BNIP1: variants seen among roughly 807,000 people sequenced by gnomAD.
BNIP1 encodes BCL2 interacting protein 1, also known as vesicle transport protein SEC20.
BNIP1 carries 25 observed loss-of-function variants against 28.5 expected under a neutral mutation model. The observed-to-expected ratio is 0.88, with a 90% CI of 0.64 to 1.23. The LOEUF (loss-of-function observed/expected upper bound fraction) is 1.23, where lower values mean the gene tolerates loss of function less well. Among genes scored for constraint, BNIP1 ranks in the 50% most tolerant of loss-of-function variants. The pLI is 0.00. For missense variants in BNIP1, 276 were observed against 277.0 expected (o/e 1.00, Z 0.02); for synonymous variants, 118 against 101.7 (o/e 1.16, Z -0.96).
intron 2 of BNIP1, among the ~76,000 whole-genome samples, chr5:173,153,676 CAT>C (rs1760093555): frequency 6.6e-6 from 1 of 150,786 alleles, no homozygotes; most frequent in African/African-American, 2.4e-5. Flanking sequence ...ATTTGGAACT[CAT>C]AGCAAAAAAA....
Position 173,148,136 on chromosome 5 carries a change from A to T in BNIP1, c.177+1178A>T, listed in dbSNP as rs1470042569. On this transcript the variant is annotated intron_variant, in intron 2 of 5. Coordinates refer to ENST00000351486, the MANE Select transcript of BNIP1 (RefSeq NM_001205.3). ...TATATATATATATATATATATATAT[A>T]TTTTAATAGAGATGGATTTTTTGCT... 2.9e-4 allele frequency among the ~76,000 whole-genome samples: 28 copies of T among 97,288 alleles called. 1 individual carries two copies. The South Asian group carries it at 6.0e-3, about 21-fold the overall frequency. The allele number at this position is 97,288 out of a possible 152,430, so 63.8% of individuals were successfully genotyped here.
chr5:173,144,843 C>T lies in BNIP1; in HGVS notation c.84+214C>T, dbSNP rs1051819268. On this transcript the variant is annotated intron_variant, in intron 1 of 5. Transcript: ENST00000351486. ...TTCCGGGTGCCGCCGGATCTCCCAT[C>T]CCCAGAGCACCCCACTGTTCTCCGC... The T allele has an allele frequency of 1.6e-5, 9 of 548,620 alleles. No individual in the cohort carries two copies. The Admixed American group carries it at 2.9e-4, about 18-fold the overall frequency. 34.0% of individuals were successfully genotyped at this position (548,620 alleles called of 1,614,324 possible).
At chr5:173,149,990 G>A (rs1051659983) in intron 2 of BNIP1, among the ~76,000 whole-genome samples, 3 of 152,210 alleles carry the variant, frequency 2.0e-5, no homozygotes, top group Non-Finnish European at 4.4e-5. Flanking sequence ...CAGCACAGTG[G>A]CTCACGCCTG....
At chr5:173,161,297 G>C in intron 5 of BNIP1, 1 of 154,436 alleles carries the variant, frequency 6.5e-6, no homozygotes, top group East Asian at 1.9e-4. Context: ...AGAAGCAAAA[G>C]GAAAGCAAGC....
intron 2 of BNIP1, among the ~76,000 whole-genome samples, chr5:173,147,757 A>G (rs901703218): frequency 6.6e-6 from 1 of 151,868 alleles, no homozygotes; most frequent in African/African-American, 2.4e-5. Context: ...TTTATTTCAC[A>G]TTTTATTCTT....
At chr5:173,156,608 C>CT (rs34222853) in intron 3 of BNIP1, among the ~76,000 whole-genome samples, 96,024 of 151,260 alleles carry the variant, frequency 0.63, 30,912 homozygotes, top group Middle Eastern at 0.7. Context: ...TGTGACTGCA[C>CT]CTGGCCTAGG....
intron 2 of BNIP1, among the ~76,000 whole-genome samples, chr5:173,151,130 C>T (rs1006559490): frequency 2.0e-5 from 3 of 151,616 alleles, no homozygotes; most frequent in East Asian, 2.0e-4. Flanking sequence ...CCACCGCGCC[C>T]GGTCAAAACT....
At chr5:173,148,083 A>AAT (rs70984952) in intron 2 of BNIP1, among the ~76,000 whole-genome samples, 70 of 40,280 alleles carry the variant, frequency 1.7e-3, no homozygotes, top group East Asian at 2.4e-3. Context: ...AAAAAAAAAA[A>AAT]ATATATATAT....
chr5:173,146,959 G>A lies in BNIP1; in HGVS notation c.177+1G>A. On this transcript the variant is annotated splice_donor_variant, in intron 2 of 5. Coordinates refer to ENST00000351486, the MANE Select transcript of BNIP1 (RefSeq NM_001205.3). LOFTEE classifies it high-confidence loss of function. Reference sequence around the variant, plus strand: ...TCAACAGTTGCGTCACAGAATACAGGTGGGTATTCTCAATTCAGTCAATGA... The same window carrying A: ...TCAACAGTTGCGTCACAGAATACAGATGGGTATTCTCAATTCAGTCAATGA... 1 of 1,608,130 alleles carries A rather than the reference G, an allele frequency of 6.2e-7. No individual in the cohort carries two copies. The highest frequency in any genetic ancestry group is 1.7e-5 in the Admixed American group (1 of 60,004).
In BNIP1 at chr5:173,163,741, G is replaced by T; in HGVS notation, c.507G>T (p.Thr169=). 6.2e-7 allele frequency: 1 copy of T among 1,602,084 alleles called. No homozygotes were observed. The highest frequency in any genetic ancestry group is 1.7e-4 in the Middle Eastern group (1 of 6,016). The change falls in exon 6 of 6, where the codon ACG becomes ACT. Residue 169 remains threonine (T), a synonymous_variant. Transcript: ENST00000351486. Reference sequence around the variant, plus strand: ...TTGTTTCAGTCACTTCTTCACGAACGATCCTGGATGCAAATGAAGAATTTA... The same window carrying T: ...TTGTTTCAGTCACTTCTTCACGAACTATCCTGGATGCAAATGAAGAATTTA... ...AMQSLVTSSR[T]ILDANEEFKS...
chr5:173,151,705 G>A (rs142647024), intron 2 of BNIP1: 1 of 1,612,282 alleles, frequency 6.2e-7, no homozygotes, highest in Non-Finnish European at 8.5e-7. Context: ...GTGAGTATTT[G>A]TATGTTCTTT....
intron 5 of BNIP1, chr5:173,161,752 G>A (rs1458429528): frequency 6.6e-6 from 1 of 152,206 alleles, no homozygotes; most frequent in Non-Finnish European, 1.5e-5. Context: ...TGGGGGGAGG[G>A]GGAGCAGGAT....
intron 1 of BNIP1, chr5:173,144,920 C>T: frequency 3.0e-6 from 1 of 335,332 alleles, no homozygotes; most frequent in Admixed American, 4.6e-5. Context: ...CCACCTGCAG[C>T]CCTGGTCGTC....
At position 173,144,773 on chromosome 5, in the gene BNIP1, G is replaced by A. The variant is rs1300771911; in HGVS notation, c.84+144G>A. 2.1e-5 allele frequency: 17 copies of A among 823,578 alleles called. No individual in the cohort carries two copies. The South Asian group carries it at 2.5e-4, about 12-fold the overall frequency. 51.0% of individuals were successfully genotyped at this position (823,578 alleles called of 1,614,324 possible). On this transcript the variant is annotated intron_variant, in intron 1 of 5. Coordinates refer to ENST00000351486, the MANE Select transcript of BNIP1 (RefSeq NM_001205.3). The stretch of plus-strand genomic sequence containing the variant: ...CGCCCCATGGTCGGCTACCCCCCCG[G>A]TCCCCATTTGGTTGTGTCCCGGTGA...
intron 5 of BNIP1, among the ~76,000 whole-genome samples, chr5:173,160,362 G>C (rs1760328798): frequency 6.6e-6 from 1 of 151,894 alleles, no homozygotes; most frequent in South Asian, 2.1e-4. Flanking sequence ...AGCCTCCCAA[G>C]TAGCTGGGAT....
intron 5 of BNIP1, among the ~76,000 whole-genome samples, chr5:173,160,267 T>A (rs1269740350): frequency 8.7e-5 from 13 of 150,086 alleles, no homozygotes; most frequent in Non-Finnish European, 1.8e-4. Context: ...GGAGTTTCGC[T>A]CTTGTTGCCC....
intron 1 of BNIP1, among the ~76,000 whole-genome samples, chr5:173,145,922 A>G (rs1759822619): frequency 6.6e-6 from 1 of 152,236 alleles, no homozygotes; most frequent in Admixed American, 6.5e-5. Flanking sequence ...TTTGATGCAG[A>G]TATTTAAAAC....
chr5:173,154,495 G>C (rs1192997983), intron 3 of BNIP1, 82 bp downstream of exon 3: 2 of 1,116,274 alleles, frequency 1.8e-6, no homozygotes, highest in Admixed American at 5.0e-5. Flanking sequence ...TTGCCTGATG[G>C]ATCTGCTTTA....
At chr5:173,148,433 G>T (rs1759928686) in intron 2 of BNIP1, among the ~76,000 whole-genome samples, 1 of 152,002 alleles carries the variant, frequency 6.6e-6, no homozygotes. Context: ...GGCATCCAAG[G>T]ATCCTGCATG....
Sources: gnomAD v4.1 joint callset for allele counts (sites outside exome capture counted in the v4.1 genomes callset) on GRCh38, gnomAD v4.1.1 for gene constraint, MANE v1.5 for transcripts, NCBI Gene and HGNC (gene_info 2026-07-23, HGNC 2026-07-21) for gene names.